Variants in CENPQ observed in about 807,000 individuals in gnomAD.
CENPQ encodes chromosome 6 open reading frame 139.
CENPQ carries 27 observed loss-of-function variants against 36.6 expected under a neutral mutation model. That is an observed-to-expected ratio of 0.74 (90% CI 0.54 to 1.02). The LOEUF is 1.02. CENPQ is among the 50% of genes least tolerant of loss of function. CENPQ has a pLI of 0.00. For synonymous variants in CENPQ, 101 were observed against 101.7 expected, an observed-to-expected ratio of 0.99 and a Z score of 0.04; for missense variants, 306 against 301.8, an observed-to-expected ratio of 1.01 and a Z score of -0.10.
At chr6:49,466,221 G>A (rs1767997558) in intron 1 of CENPQ, among the ~76,000 whole-genome samples, 2 of 152,150 alleles carry the variant, frequency 1.3e-5, no homozygotes, top group Admixed American at 1.3e-4. Context: ...ATGGTTCATG[G>A]TGCCCTAAAA....
rs747489254 is a variant in CENPQ at position 49,481,048 on chromosome 6, A to G, written c.445A>G (p.Lys149Glu). Residue 149 changes from lysine (K) to glutamate (E), a missense_variant, in exon 6 of 9, where the codon AAA becomes GAA. Coordinates refer to ENST00000335783, the MANE Select transcript of CENPQ (RefSeq NM_018132.4). ...ACTGAATATGGAAAGGGCACGAGACAAAGCTAATGAAGAAGGTCTGGCATT... is the reference window on the plus strand; with the variant it reads ...ACTGAATATGGAAAGGGCACGAGACGAAGCTAATGAAGAAGGTCTGGCATT... ...SLLNMERARDKANEEGLALLQ... is the reference protein window; with the variant it reads ...SLLNMERARDEANEEGLALLQ... 3.7e-6 allele frequency: 6 copies of G among 1,609,428 alleles called. No individual in the cohort carries two copies. The East Asian group carries it at 1.1e-4, about 30-fold the overall frequency.
chr6:49,473,850 A>T (rs1394371687), intron 5 of CENPQ, among the ~76,000 whole-genome samples: 2 of 152,192 alleles, frequency 1.3e-5, no homozygotes, highest in Non-Finnish European at 2.9e-5. Context: ...GAAAACAAAA[A>T]AAGGCAGGGG....
chr6:49,481,420 TG>T (rs1269439414), intron 6 of CENPQ, among the ~76,000 whole-genome samples: 1 of 152,084 alleles, frequency 6.6e-6, no homozygotes, highest in East Asian at 1.9e-4. Flanking sequence ...TTCCTCCCGG[TG>T]GGTTTCTGGT....
At chr6:49,478,955 G>C (rs1208943612) in intron 5 of CENPQ, among the ~76,000 whole-genome samples, 1 of 152,086 alleles carries the variant, frequency 6.6e-6, no homozygotes, top group Non-Finnish European at 1.5e-5. Context: ...CTGCTATTTA[G>C]AACATTTGGA....
At chr6:49,476,020 G>C (rs369420497) in intron 5 of CENPQ, among the ~76,000 whole-genome samples, 9 of 151,894 alleles carry the variant, frequency 5.9e-5, no homozygotes, top group Admixed American at 5.2e-4. Context: ...TATAGATTCA[G>C]TGCCATCCCC....
intron 1 of CENPQ, among the ~76,000 whole-genome samples, chr6:49,463,955 C>T (rs1373782818): frequency 1.3e-5 from 2 of 152,146 alleles, no homozygotes; most frequent in Non-Finnish European, 2.9e-5. Context: ...CTCCTATACA[C>T]ATTAAAAGCC....
chr6:49,464,494 A>G (rs1767949798), intron 1 of CENPQ, among the ~76,000 whole-genome samples: 1 of 152,196 alleles, frequency 6.6e-6, no homozygotes, highest in Non-Finnish European at 1.5e-5. Context: ...TCTTCCATTC[A>G]CTAAAGATTT....
intron 8 of CENPQ, among the ~76,000 whole-genome samples, chr6:49,490,828 C>T (rs1430655827): frequency 6.6e-6 from 1 of 152,068 alleles, no homozygotes; most frequent in Non-Finnish European, 1.5e-5. Context: ...TTGGTGGAGC[C>T]GTCAGAACAC....
chr6:49,480,888 T>A, intron 5 of CENPQ, 63 bp from the exon 6 acceptor site: 3 of 1,189,122 alleles, frequency 2.5e-6, no homozygotes, highest in Non-Finnish European at 3.5e-6. Context: ...AAATGAGGAC[T>A]GTTTTAAAAT....
At chr6:49,489,851 A>T (rs1768675782) in intron 8 of CENPQ, among the ~76,000 whole-genome samples, 1 of 152,258 alleles carries the variant, frequency 6.6e-6, no homozygotes. Context: ...TTTTCTGAGC[A>T]GTAGCTCTTA....
chr6:49,474,977 T>C (rs968445840), intron 5 of CENPQ, among the ~76,000 whole-genome samples: 1 of 152,104 alleles, frequency 6.6e-6, no homozygotes, highest in African/African-American at 2.4e-5. Context: ...AATCCCTGAA[T>C]AGACCAATAA....
intron 8 of CENPQ, 89 bp from the exon 9 acceptor site, chr6:49,492,055 A>G (rs1768733061): frequency 1.0e-6 from 1 of 989,980 alleles, no homozygotes; most frequent in East Asian, 2.6e-5. Context: ...TAGATACTTA[A>G]GGTTTATTTT....
intron 1 of CENPQ, among the ~76,000 whole-genome samples, chr6:49,464,250 G>C (rs1434417489): frequency 1.3e-5 from 2 of 151,958 alleles, no homozygotes; most frequent in Admixed American, 1.3e-4. Flanking sequence ...CCTATTAAGT[G>C]TGCAATAGCA....
intron 6 of CENPQ, among the ~76,000 whole-genome samples, chr6:49,484,987 G>A (rs989486246): frequency 6.6e-6 from 1 of 152,136 alleles, no homozygotes; most frequent in African/African-American, 2.4e-5. Flanking sequence ...TATGCTACTG[G>A]TAAGCATTTC....
intron 5 of CENPQ, among the ~76,000 whole-genome samples, chr6:49,475,580 C>T (rs1485072222): frequency 6.6e-6 from 1 of 152,138 alleles, no homozygotes. Context: ...CCAGGGCAAT[C>T]AGGCAGGAGA....
At chr6:49,478,757 G>A (rs1224864117) in intron 5 of CENPQ, among the ~76,000 whole-genome samples, 1 of 152,122 alleles carries the variant, frequency 6.6e-6, no homozygotes, top group East Asian at 1.9e-4. Flanking sequence ...CTAGCCCCAT[G>A]ATTACACAGA....
At chr6:49,488,982 G>A (rs551316609) in intron 8 of CENPQ, among the ~76,000 whole-genome samples, 1 of 152,144 alleles carries the variant, frequency 6.6e-6, no homozygotes, top group East Asian at 1.9e-4. Context: ...GCCAGTGGAG[G>A]GTCTTGCCTC....
At chr6:49,484,544 G>A (rs1768532115) in intron 6 of CENPQ, among the ~76,000 whole-genome samples, 1 of 152,216 alleles carries the variant, frequency 6.6e-6, no homozygotes, top group Non-Finnish European at 1.5e-5. Flanking sequence ...GTTTGTAGAT[G>A]TGGTGCATAG....
chr6:49,482,989 A>G (rs1021618207), intron 6 of CENPQ, among the ~76,000 whole-genome samples: 7 of 152,152 alleles, frequency 4.6e-5, no homozygotes, highest in Admixed American at 1.3e-4. Context: ...CAAAGCTTCC[A>G]TAGTGTGGAA....
Sources: gnomAD v4.1 joint callset for allele counts (sites outside exome capture counted in the v4.1 genomes callset) on GRCh38, gnomAD v4.1.1 for gene constraint, MANE v1.5 for transcripts, NCBI Gene and HGNC (gene_info 2026-07-23, HGNC 2026-07-21) for gene names.